Variants in ENTPD1 observed in about 807,000 individuals in gnomAD.
ENTPD1 encodes the protein ATP diphosphohydrolase.
Under a neutral mutation model 57.0 loss-of-function variants are expected in ENTPD1, and 33 were observed. The ratio of observed to expected loss-of-function variants is 0.58; its 90% confidence interval spans 0.44 to 0.77. ENTPD1 has a LOEUF of 0.77. Ranked by LOEUF, ENTPD1 falls within the 30% of genes least tolerant of loss-of-function variation. The pLI, the probability that ENTPD1 is intolerant of heterozygous loss-of-function variation, is 0.00. For synonymous variants in ENTPD1, 202 were observed against 218.8 expected (o/e 0.92, Z 0.68); for missense variants, 501 against 603.4 (o/e 0.83, Z 1.78).
intron 2 of ENTPD1, among the ~76,000 whole-genome samples, chr10:95,834,326 A>T (rs1337162013): frequency 2.0e-5 from 3 of 152,222 alleles, no homozygotes; most frequent in African/African-American, 7.2e-5. Flanking sequence ...TAGCTGCATA[A>T]ATATGTAATT....
In ENTPD1 at chr10:95,871,703, C is replaced by T; in HGVS notation, c.*5320C>T. ...ACATAAATTAAGTTATAAATTGACA[C>T]TATAATCAACTGACACCATGATCAG... On this transcript the variant is annotated 3_prime_UTR_variant, in exon 10 of 10. Transcript: ENST00000371205. 2 of 985,380 alleles carry T rather than the reference C, an allele frequency of 2.0e-6. No homozygotes were observed. Among genetic ancestry groups the T allele is most frequent in the Non-Finnish European group, 2.4e-6 (2 of 829,904 alleles). 61.0% of individuals were successfully genotyped at this position (985,380 alleles called of 1,614,324 possible). A position where few individuals can be genotyped will look rare whatever the true frequency, so the allele number is the denominator to read the frequency against.
chr10:95,866,315 T>TTCA lies in ENTPD1; in HGVS notation c.1466_1468dup (p.Phe489_Thr490insIle). The TTCA allele has an allele frequency of 6.2e-7, 1 of 1,614,246 alleles. No homozygotes were observed. The highest frequency in any genetic ancestry group is 8.5e-7 in the Non-Finnish European group (1 of 1,180,046). ...CATGGTTCTATTCTCCCTGGTCCTT[T>TTCA]TCACAGTGGCCATCATAGGCTTGCT... On this transcript the variant is annotated inframe_insertion, in exon 10 of 10. Transcript: ENST00000371205.
Position 95,866,551 on chromosome 10 carries a change from T to C in ENTPD1, c.*168T>C. ...AAGCCTTTCTTTTGGAGGTATTCAA[T>C]ATCCTTTGCCTCAAGGACTTCGGCA... On this transcript the variant is annotated 3_prime_UTR_variant, in exon 10 of 10. Coordinates refer to ENST00000371205, the MANE Select transcript of ENTPD1 (RefSeq NM_001776.6). 2 of 1,495,310 alleles carry C rather than the reference T, an allele frequency of 1.3e-6. No individual in the cohort carries two copies. Among genetic ancestry groups the C allele is most frequent in the South Asian group, 1.3e-5 (1 of 77,188 alleles). 92.6% of individuals were successfully genotyped at this position (1,495,310 alleles called of 1,614,324 possible).
chr10:95,742,115 T>C (rs1382021468), intron 1 of ENTPD1, among the ~76,000 whole-genome samples: 3 of 152,220 alleles, frequency 2.0e-5, no homozygotes, highest in South Asian at 4.1e-4. Flanking sequence ...CTAAGGGCCA[T>C]GTGTTCTTCA....
intron 1 of ENTPD1, among the ~76,000 whole-genome samples, chr10:95,779,231 C>T (rs1217669539): frequency 2.0e-5 from 3 of 152,222 alleles, no homozygotes; most frequent in African/African-American, 4.8e-5. Context: ...CCCATTTCTA[C>T]ATCTCCTTCC....
At chr10:95,844,739 AGATG>A (rs923110939) in intron 5 of ENTPD1, 104 bp downstream of exon 5, 40 of 1,324,480 alleles carry the variant, frequency 3.0e-5, no homozygotes, top group Non-Finnish European at 4.0e-5. Flanking sequence ...AATGAATGAT[AGATG>A]GATGGATGGA....
chr10:95,795,023 T>C (rs147595345), intron 1 of ENTPD1, among the ~76,000 whole-genome samples: 14 of 152,246 alleles, frequency 9.2e-5, no homozygotes, highest in Non-Finnish European at 7.4e-5. Context: ...TCTAAGTAAC[T>C]AGTGGATGAT....
chr10:95,715,851 T>C (rs2097970915), intron 1 of ENTPD1, among the ~76,000 whole-genome samples: 1 of 152,154 alleles, frequency 6.6e-6, no homozygotes, highest in African/African-American at 2.4e-5. Context: ...TGACAACTAC[T>C]TATTTATATT....
chr10:95,708,082 C>T (rs2097963235), upstream of ENTPD1, among the ~76,000 whole-genome samples: 1 of 152,084 alleles, frequency 6.6e-6, no homozygotes, highest in African/African-American at 2.4e-5. Flanking sequence ...AAAATGGGTA[C>T]ACTGCATTAG....
At chr10:95,779,023 C>T (rs1433258240) in intron 1 of ENTPD1, among the ~76,000 whole-genome samples, 2 of 152,152 alleles carry the variant, frequency 1.3e-5, no homozygotes, top group Non-Finnish European at 2.9e-5. Context: ...ATCCACAGTC[C>T]AGCTTCTTAA....
Position 95,806,162 on chromosome 10 carries a change from C to T in ENTPD1, c.17-17075C>T, listed in dbSNP as rs182337559. ...ATAGATTTGGTCTTTTCACATAGTC[C>T]CACATTTCTTGGAGGCTTTGTTCAT... On this transcript the variant is annotated intron_variant, in intron 1 of 9. Coordinates refer to ENST00000371205, the MANE Select transcript of ENTPD1 (RefSeq NM_001776.6). Among the ~76,000 whole-genome samples the T allele has an allele frequency of 4.5e-3, 655 of 145,520 alleles. 5 individuals are homozygous for T. The highest frequency in any genetic ancestry group is 0.024 in the Middle Eastern group (7 of 292).
At chr10:95,795,994 C>T (rs1047488087) in intron 1 of ENTPD1, among the ~76,000 whole-genome samples, 1 of 152,130 alleles carries the variant, frequency 6.6e-6, no homozygotes, top group African/African-American at 2.4e-5. Flanking sequence ...CCCTTGCTTC[C>T]TAGAAAACAT....
chr10:95,864,579 C>T, intron 8 of ENTPD1, 145 bp from the exon 9 acceptor site: 3 of 1,045,988 alleles, frequency 2.9e-6, no homozygotes, highest in Non-Finnish European at 4.3e-6. Context: ...GCAGCACCAC[C>T]CCCAAAACCC....
rs796656318 is a variant in ENTPD1 at position 95,858,609 on chromosome 10, G to A, written c.1075-1860G>A. On this transcript the variant is annotated intron_variant, in intron 7 of 9. Transcript: ENST00000371205. ...GGCTTGGGTTAAGAGGGCAGAAATA[G>A]GACCATACCACGATCTTTTTCTGCA... Among the ~76,000 whole-genome samples the A allele has an allele frequency of 2.2e-4, 34 of 152,012 alleles. 1 individual carries two copies. The highest frequency in any genetic ancestry group is 7.7e-4 in the African/African-American group (32 of 41,374).
chr10:95,791,285 A>C lies in ENTPD1; in HGVS notation c.17-31952A>C, dbSNP rs189844912. Reference sequence around the variant, plus strand: ...CAATGTATTTTGAGAAGGACATTACAAACTGAAGGGCATCTAGTGGAGGGT... The same window carrying C: ...CAATGTATTTTGAGAAGGACATTACCAACTGAAGGGCATCTAGTGGAGGGT... On this transcript the variant is annotated intron_variant, in intron 1 of 9. Coordinates refer to ENST00000371205, the MANE Select transcript of ENTPD1 (RefSeq NM_001776.6). This position sits in a 1 kb window ranked among gnomAD's most constrained non-coding sequence, Gnocchi z 4.1. Among the ~76,000 whole-genome samples the C allele has an allele frequency of 6.6e-6, 1 of 152,322 alleles. No homozygotes were observed.
At chr10:95,760,791 G>T (rs1227652449) in intron 1 of ENTPD1, among the ~76,000 whole-genome samples, 2 of 137,874 alleles carry the variant, frequency 1.5e-5, no homozygotes, top group Non-Finnish European at 3.1e-5. Flanking sequence ...GTGAGGCCTG[G>T]AGTAAATTAC....
In ENTPD1 at chr10:95,871,802, A is replaced by G. The variant is rs573351985; in HGVS notation, c.*5419A>G. The G allele has an allele frequency of 2.4e-5, 24 of 985,468 alleles. No individual in the cohort carries two copies. The African/African-American group carries it at 3.8e-4, about 16-fold the overall frequency. 61.0% of individuals were successfully genotyped at this position (985,468 alleles called of 1,614,324 possible). ...CCCTTTGCATGTATGTTGAATAGCAAAGTTCATCAGAGAACATGTATTAGT... is the reference window on the plus strand; with the variant it reads ...CCCTTTGCATGTATGTTGAATAGCAGAGTTCATCAGAGAACATGTATTAGT... On this transcript the variant is annotated 3_prime_UTR_variant, in exon 10 of 10. Transcript: ENST00000371205.
chr10:95,854,593 T>C (rs369074334), intron 7 of ENTPD1, among the ~76,000 whole-genome samples: 4 of 152,254 alleles, frequency 2.6e-5, no homozygotes. Context: ...TCCCTCTACA[T>C]ACTGCTTTGA....
At chr10:95,732,110 CAG>C (rs1356387525) in intron 1 of ENTPD1, among the ~76,000 whole-genome samples, 1 of 152,032 alleles carries the variant, frequency 6.6e-6, no homozygotes, top group African/African-American at 2.4e-5. Flanking sequence ...GTAACTGCAA[CAG>C]AGGCATGCTT....
Sources: allele counts gnomAD v4.1 joint callset (sites outside exome capture counted in the v4.1 genomes callset), GRCh38; gene constraint gnomAD v4.1.1; non-coding constraint Gnocchi (gnomAD v3.1); transcripts MANE v1.5; gene names NCBI Gene and HGNC (gene_info 2026-07-23, HGNC 2026-07-21).